The following KIF6 variants were observed in gnomAD, a reference collection of about 807,000 sequenced individuals.
The protein encoded by KIF6 is kinesin family member 6, also known as kinesin-like protein KIF6.
Under a neutral mutation model 112.7 loss-of-function variants are expected in KIF6, and 106 were observed. That is an observed-to-expected ratio of 0.94 (90% CI 0.80 to 1.11). KIF6 has a LOEUF of 1.11. KIF6 is among the 50% of genes least tolerant of loss of function. The probability of loss-of-function intolerance (pLI) is 0.00; values close to 1 mark genes in which losing one functional copy is unlikely to be tolerated. For synonymous variants in KIF6, 339 were observed against 339.9 expected, an observed-to-expected ratio of 1.00 and a Z score of 0.03; for missense variants, 929 against 964.0, an observed-to-expected ratio of 0.96 and a Z score of 0.48.
In KIF6 at chr6:39,378,659, C is replaced by T. The variant is rs1766657572; in HGVS notation, c.1861+6963G>A. On this transcript the variant is annotated intron_variant, in intron 16 of 22. Transcript: ENST00000287152. The surrounding 1 kb of genome is among the most constrained non-coding windows in gnomAD (Gnocchi z 5.0). ...TGGTAAGAACGGGAAGTTCTCATGG[C>T]CTGTCCCTCTCACCTGACACATTTC... 6.6e-6 allele frequency among the ~76,000 whole-genome samples: 1 copy of T among 152,172 alleles called. No individual in the cohort carries two copies. Among genetic ancestry groups the T allele is most frequent in the African/African-American group, 2.4e-5 (1 of 41,432 alleles).
chr6:39,521,800 C>A (rs1282164570), intron 13 of KIF6, among the ~76,000 whole-genome samples: 1 of 152,158 alleles, frequency 6.6e-6, no homozygotes, highest in Non-Finnish European at 1.5e-5. Context: ...TCATTAAAAA[C>A]CCAATAAGAG....
Position 39,634,877 on chromosome 6 carries a change from G to A in KIF6, c.481C>T (p.His161Tyr), listed in dbSNP as rs1784543272. 2.5e-6 allele frequency: 4 copies of A among 1,610,330 alleles called. No homozygotes were observed. The highest frequency in any genetic ancestry group is 2.5e-6 in the Non-Finnish European group (3 of 1,176,952). ...ECGYDLLDPR[H>Y]EASSLEDLPK... is the part of the protein sequence containing the mutation. ...AAATCTTCCAAACTGGAGGCTTCAT[G>A]TCTTGGATCCAAAAGATCATAACCA... The change falls in exon 5 of 23, where the codon CAT becomes TAT. Residue 161 changes from histidine (H) to tyrosine (Y), a missense_variant. By Grantham distance (83) the His-to-Tyr change is moderately conservative. This residue lies in a region of KIF6 where 688 missense variants were observed against 662.7 expected (regional missense o/e 1.04). Transcript: ENST00000287152.
At chr6:39,488,135 G>A (rs916996356) in intron 13 of KIF6, among the ~76,000 whole-genome samples, 7 of 151,868 alleles carry the variant, frequency 4.6e-5, no homozygotes, top group Middle Eastern at 3.4e-3. Flanking sequence ...TATGACCTAC[G>A]AAGTTATTTT....
intron 15 of KIF6, among the ~76,000 whole-genome samples, chr6:39,414,622 G>A (rs1288482727): frequency 2.0e-5 from 3 of 152,180 alleles, no homozygotes; most frequent in African/African-American, 4.8e-5. Context: ...CATTAATCAC[G>A]CTACAAAGAG....
chr6:39,466,924 G>T (rs1773825372), intron 13 of KIF6, among the ~76,000 whole-genome samples: 1 of 152,170 alleles, frequency 6.6e-6, no homozygotes, highest in Non-Finnish European at 1.5e-5. Flanking sequence ...GAAGGCAAAA[G>T]GCTACTTCCC....
At chr6:39,373,156 C>T (rs992727853) in intron 16 of KIF6, among the ~76,000 whole-genome samples, 5 of 152,176 alleles carry the variant, frequency 3.3e-5, no homozygotes, top group Non-Finnish European at 2.9e-5. Flanking sequence ...TGGTCAAATG[C>T]CTAATTTGCT....
chr6:39,609,962 G>A (rs1783126943), intron 6 of KIF6, among the ~76,000 whole-genome samples: 2 of 152,166 alleles, frequency 1.3e-5, no homozygotes, highest in African/African-American at 4.8e-5. Flanking sequence ...GGTTTTCCTA[G>A]GACCATACTT....
intron 3 of KIF6, among the ~76,000 whole-genome samples, chr6:39,679,566 C>T (rs759367683): frequency 6.6e-6 from 1 of 151,830 alleles, no homozygotes; most frequent in Non-Finnish European, 1.5e-5. Flanking sequence ...TGGAGATCAG[C>T]CTTATAATCA....
At chr6:39,457,980 CA>C (rs1248193915) in intron 13 of KIF6, among the ~76,000 whole-genome samples, 1 of 150,756 alleles carries the variant, frequency 6.6e-6, no homozygotes, top group Non-Finnish European at 1.5e-5. Context: ...GAAACTATTC[CA>C]ATCAATAGAA....
intron 13 of KIF6, among the ~76,000 whole-genome samples, chr6:39,454,091 T>C (rs1308900379): frequency 1.3e-5 from 2 of 152,194 alleles, no homozygotes; most frequent in African/African-American, 4.8e-5. Flanking sequence ...AAGTGTTAAA[T>C]ACAGTAGATA....
chr6:39,701,719 G>A (rs1363161711), intron 3 of KIF6, among the ~76,000 whole-genome samples: 1 of 152,204 alleles, frequency 6.6e-6, no homozygotes, highest in African/African-American at 2.4e-5. Flanking sequence ...AGTGAAATAT[G>A]GAGCCACTGA....
At chr6:39,418,968 A>C (rs955148549) in intron 15 of KIF6, among the ~76,000 whole-genome samples, 5 of 151,962 alleles carry the variant, frequency 3.3e-5, no homozygotes, top group Admixed American at 1.3e-4. Flanking sequence ...AGGCACAGGG[A>C]TCGCCTCTGT....
chr6:39,621,129 T>C (rs1306694018), intron 5 of KIF6, among the ~76,000 whole-genome samples: 1 of 151,914 alleles, frequency 6.6e-6, no homozygotes, highest in East Asian at 1.9e-4. Context: ...ATGAAATATT[T>C]TAACCATTCC....
chr6:39,454,801 G>A (rs982108507), intron 13 of KIF6, among the ~76,000 whole-genome samples: 30 of 152,160 alleles, frequency 2.0e-4, no homozygotes, highest in Admixed American at 3.3e-4. Flanking sequence ...CGAATATTGC[G>A]CTTTTCAGAC....
chr6:39,676,825 A>G (rs1787167233), intron 3 of KIF6, among the ~76,000 whole-genome samples: 1 of 152,080 alleles, frequency 6.6e-6, no homozygotes, highest in African/African-American at 2.4e-5. Flanking sequence ...GCAGTAGGAA[A>G]GGTGGGAGAA....
intron 3 of KIF6, among the ~76,000 whole-genome samples, chr6:39,670,327 T>C (rs2150829520): frequency 6.6e-6 from 1 of 152,352 alleles, no homozygotes; most frequent in African/African-American, 2.4e-5. Context: ...GATCTGCATA[T>C]AACTTTTGAC....
chr6:39,339,423 G>A (rs1404065339), intron 22 of KIF6, among the ~76,000 whole-genome samples: 1 of 152,068 alleles, frequency 6.6e-6, no homozygotes, highest in African/African-American at 2.4e-5. Context: ...CTCCCAGCTC[G>A]GGGCTCTTTC....
At chr6:39,463,024 T>C (rs1199579069) in intron 13 of KIF6, among the ~76,000 whole-genome samples, 1 of 152,208 alleles carries the variant, frequency 6.6e-6, no homozygotes, top group Non-Finnish European at 1.5e-5. Context: ...CAGCCTAACT[T>C]TGTTCCATCA....
intron 17 of KIF6, among the ~76,000 whole-genome samples, chr6:39,362,024 G>C (rs928846045): frequency 6.6e-6 from 1 of 152,194 alleles, no homozygotes; most frequent in African/African-American, 2.4e-5. Flanking sequence ...CTACATGCCT[G>C]TTTATGCTTG....
Sources: gnomAD v4.1 joint callset for allele counts (sites outside exome capture counted in the v4.1 genomes callset) on GRCh38, gnomAD v4.1.1 for gene constraint, gnomAD v4.1.1 regional missense constraint, Gnocchi (gnomAD v3.1) non-coding constraint, MANE v1.5 for transcripts, NCBI Gene and HGNC (gene_info 2026-07-23, HGNC 2026-07-21) for gene names.